FHIT: variants seen among roughly 807,000 people sequenced by gnomAD.
The protein encoded by FHIT is fragile histidine triad diadenosine triphosphatase, also known as bis(5'-adenosyl)-triphosphatase.
FHIT carries 19 observed loss-of-function variants against 17.9 expected under a neutral mutation model. The ratio of observed to expected loss-of-function variants is 1.06; its 90% CI spans 0.74 to 1.56. FHIT has a LOEUF of 1.56. FHIT is among the 40% of genes most tolerant of loss of function. The pLI is 0.00. For synonymous variants in FHIT, 81 were observed against 69.7 expected, an observed-to-expected ratio of 1.16 and a Z score of -0.81; for missense variants, 248 against 189.2, an observed-to-expected ratio of 1.31 and a Z score of -1.82.
At chr3:59,940,961 G>T (rs1338578808) in intron 7 of FHIT, among the ~76,000 whole-genome samples, 1 of 152,040 alleles carries the variant, frequency 6.6e-6, no homozygotes, top group African/African-American at 2.4e-5. Context: ...ATTAAAATCT[G>T]CATTTATTCA....
intron 2 of FHIT, among the ~76,000 whole-genome samples, chr3:61,136,236 A>G (rs964326281): frequency 1.7e-5 from 2 of 115,686 alleles, no homozygotes; most frequent in Non-Finnish European, 3.6e-5. Context: ...CACCCCCCTC[A>G]CCCGACCCAC....
At chr3:60,507,686 G>A (rs2034789713) in intron 5 of FHIT, among the ~76,000 whole-genome samples, 1 of 151,968 alleles carries the variant, frequency 6.6e-6, no homozygotes, top group Admixed American at 6.6e-5. Flanking sequence ...TCCACCCTCT[G>A]ATAAGCCCCA....
intron 8 of FHIT, among the ~76,000 whole-genome samples, chr3:59,882,199 T>C (rs1227165708): frequency 6.8e-6 from 1 of 146,158 alleles, no homozygotes; most frequent in Non-Finnish European, 1.5e-5. Context: ...AAATGCAAAA[T>C]GTAAAAGTCT....
chr3:60,628,776 A>G (rs997854245), intron 4 of FHIT, among the ~76,000 whole-genome samples: 5 of 152,048 alleles, frequency 3.3e-5, no homozygotes, highest in Non-Finnish European at 7.4e-5. Flanking sequence ...CATTCCCCCC[A>G]CTGTTTCAAA....
chr3:60,800,123 A>G (rs561585026), intron 4 of FHIT, among the ~76,000 whole-genome samples: 2 of 152,082 alleles, frequency 1.3e-5, no homozygotes, highest in South Asian at 2.1e-4. Context: ...GCCCACTCAG[A>G]TCCTTTATTC....
At chr3:60,004,141 C>T (rs761255621) in intron 7 of FHIT, among the ~76,000 whole-genome samples, 11 of 152,218 alleles carry the variant, frequency 7.2e-5, no homozygotes, top group Non-Finnish European at 1.6e-4. Context: ...TAACGCCTTA[C>T]ATTTAGGTGG....
chr3:60,483,996 C>T (rs2033728578), intron 5 of FHIT, among the ~76,000 whole-genome samples: 1 of 152,090 alleles, frequency 6.6e-6, no homozygotes, highest in Non-Finnish European at 1.5e-5. Context: ...GATACAAAAT[C>T]AATGTGCAAA....
At chr3:59,849,780 A>C (rs1285701852) in intron 8 of FHIT, among the ~76,000 whole-genome samples, 1 of 152,242 alleles carries the variant, frequency 6.6e-6, no homozygotes, top group East Asian at 1.9e-4. Context: ...GGTTATTCTT[A>C]ATCAGGTATA....
chr3:60,574,111 G>A (rs1341139584), intron 4 of FHIT, among the ~76,000 whole-genome samples: 1 of 152,052 alleles, frequency 6.6e-6, no homozygotes, highest in Admixed American at 6.6e-5. Context: ...CGTCTGGTTA[G>A]TATTATGTAC....
At chr3:60,237,233 T>C (rs1275566591) in intron 5 of FHIT, among the ~76,000 whole-genome samples, 8 of 151,942 alleles carry the variant, frequency 5.3e-5, no homozygotes, top group Admixed American at 5.2e-4. Context: ...TCCTTAAAAA[T>C]TGTGAATATT....
chr3:59,829,233 G>C (rs568235189), intron 8 of FHIT, among the ~76,000 whole-genome samples: 120 of 152,234 alleles, frequency 7.9e-4, no homozygotes, highest in Non-Finnish European at 1.4e-3. Context: ...CTAGTGCCTT[G>C]GCCTCTGAAA....
At chr3:60,339,452 C>A (rs2106891508) in intron 5 of FHIT, among the ~76,000 whole-genome samples, 1 of 152,288 alleles carries the variant, frequency 6.6e-6, no homozygotes, top group East Asian at 1.9e-4. Context: ...GCAGTAACTT[C>A]TTGGAATTCT....
chr3:61,228,470 T>C (rs984770604), intron 1 of FHIT, among the ~76,000 whole-genome samples: 12 of 152,230 alleles, frequency 7.9e-5, no homozygotes, highest in Non-Finnish European at 1.5e-4. Context: ...ATTCCATATA[T>C]AAGTGTTCAA....
intron 7 of FHIT, among the ~76,000 whole-genome samples, chr3:60,006,753 C>T (rs914695752): frequency 1.3e-5 from 2 of 151,778 alleles, no homozygotes; most frequent in Non-Finnish European, 2.9e-5. Flanking sequence ...CCTAACGGAA[C>T]CTCTGATGCC....
rs779515989 is a variant in FHIT at position 60,566,199 on chromosome 3, A to AGTGCG, written c.-17-29225_-17-29221dup. 6.6e-5 allele frequency among the ~76,000 whole-genome samples: 10 copies of AGTGCG among 152,240 alleles called. No homozygotes were observed. The East Asian group carries it at 9.6e-4, about 15-fold the overall frequency. ...CAACTAAGTGGTCAATTTTGGAATC[A>AGTGCG]GTGCGGTGCGGTGCTGAGAAGAATG... On this transcript the variant is annotated intron_variant, in intron 4 of 9. Transcript: ENST00000492590.
rs1016290707 is a variant in FHIT, at chr3:60,098,140, A to G, written c.104-83988T>C. 4.5e-4 allele frequency among the ~76,000 whole-genome samples: 63 copies of G among 141,396 alleles called. 1 individual carries two copies. The highest frequency in any genetic ancestry group is 1.6e-3 in the African/African-American group (63 of 39,034). The allele number at this position is 141,396 out of a possible 152,430, so 92.8% of individuals were successfully genotyped here. On this transcript the variant is annotated intron_variant, in intron 5 of 9. Transcript: ENST00000492590. ...TTGTTGGACATTTGGGTTGGTTCCA[A>G]GTCTTTGCTATTGTGAATAGTGCCG...
intron 4 of FHIT, among the ~76,000 whole-genome samples, chr3:60,710,212 G>C (rs1194747884): frequency 6.6e-6 from 1 of 151,868 alleles, no homozygotes; most frequent in Non-Finnish European, 1.5e-5. Context: ...AAAATGAAAG[G>C]CCAAAAGTAC....
intron 4 of FHIT, among the ~76,000 whole-genome samples, chr3:60,581,928 T>C (rs782539529): frequency 6.6e-6 from 1 of 152,058 alleles, no homozygotes; most frequent in Non-Finnish European, 1.5e-5. Context: ...GATTTCAATA[T>C]AAGCAGGTGA....
At chr3:59,854,486 A>T (rs1411984727) in intron 8 of FHIT, among the ~76,000 whole-genome samples, 1 of 152,198 alleles carries the variant, frequency 6.6e-6, no homozygotes, top group Non-Finnish European at 1.5e-5. Context: ...GTGAAGTGTC[A>T]GAACTCATTG....
Sources: allele counts gnomAD v4.1 joint callset (sites outside exome capture counted in the v4.1 genomes callset), GRCh38; gene constraint gnomAD v4.1.1; transcripts MANE v1.5; gene names NCBI Gene and HGNC (gene_info 2026-07-23, HGNC 2026-07-21).